Variants in STIM1 observed in about 807,000 individuals in gnomAD.
STIM1 encodes the protein stromal interaction molecule 1.
In STIM1, 25 loss-of-function variants were observed where a neutral mutation model predicts 74.7. That is an observed-to-expected ratio of 0.33 (90% confidence interval 0.24 to 0.47). The LOEUF is 0.47. Ranked by LOEUF, STIM1 falls within the 20% of genes least tolerant of loss-of-function variation. STIM1 has a pLI of 1.00. For missense variants in STIM1, 728 were observed against 920.8 expected, an observed-to-expected ratio of 0.79 and a Z score of 2.71; for synonymous variants, 328 against 348.8, an observed-to-expected ratio of 0.94 and a Z score of 0.66.
chr11:3,966,678 T>A (rs1377241489), intron 1 of STIM1, among the ~76,000 whole-genome samples: 1 of 152,206 alleles, frequency 6.6e-6, no homozygotes, highest in Non-Finnish European at 1.5e-5. Context: ...TCAAAATACC[T>A]TTTTCAAATA....
chr11:3,936,527 G>A (rs2092933297), intron 1 of STIM1, among the ~76,000 whole-genome samples: 1 of 152,190 alleles, frequency 6.6e-6, no homozygotes, highest in Non-Finnish European at 1.5e-5. Context: ...AAAGAATAGG[G>A]TAGACTAGAG....
At chr11:4,052,835 C>T (rs562308140) in intron 3 of STIM1, among the ~76,000 whole-genome samples, 11 of 152,268 alleles carry the variant, frequency 7.2e-5, no homozygotes, top group African/African-American at 2.4e-4. Context: ...TTGCAATATA[C>T]TCATCTGACA....
intron 1 of STIM1, chr11:3,903,617 A>G (rs1049603799): frequency 6.6e-6 from 1 of 152,216 alleles, no homozygotes; most frequent in African/African-American, 2.4e-5. Context: ...CAGGTAGGAA[A>G]TAGCTCTTGT....
chr11:3,964,772 TG>T (rs1262019794), intron 1 of STIM1, among the ~76,000 whole-genome samples: 3 of 151,780 alleles, frequency 2.0e-5, no homozygotes, highest in Admixed American at 6.6e-5. Context: ...TTGCCCAGGC[TG>T]GAGTTCAGTG....
At chr11:3,885,449 A>G (rs770402299) in intron 1 of STIM1, among the ~76,000 whole-genome samples, 1 of 152,130 alleles carries the variant, frequency 6.6e-6, no homozygotes, top group Non-Finnish European at 1.5e-5. Flanking sequence ...GGCCTCCCAA[A>G]GTTTGGGATT....
intron 2 of STIM1, among the ~76,000 whole-genome samples, chr11:3,971,541 A>T (rs1362677755): frequency 1.3e-5 from 2 of 150,630 alleles, no homozygotes; most frequent in Non-Finnish European, 2.9e-5. Context: ...AAACAAAAAA[A>T]ACAAAAAAAC....
intron 3 of STIM1, among the ~76,000 whole-genome samples, chr11:4,033,216 T>C (rs577557875): frequency 3.4e-4 from 52 of 152,258 alleles, no homozygotes; most frequent in South Asian, 6.2e-4. Context: ...CATTGATCTA[T>C]ATCTCTGTTT....
rs573144497 is a variant in STIM1 at position 3,895,017 on chromosome 11, G to A, written c.139+38608G>A. On this transcript the variant is annotated intron_variant, in intron 1 of 12. Transcript: ENST00000526596. ...ACCCGCTTCGGCCTCCCAAAGTGCT[G>A]GGATTACAGGCGTGAGCCACCGCGC... 2.0e-5 allele frequency among the ~76,000 whole-genome samples: 3 copies of A among 151,640 alleles called. No homozygotes were observed. In the East Asian group the frequency reaches 5.8e-4, roughly 29 times the overall value.
At chr11:4,009,090 G>C (rs2093810054) in intron 2 of STIM1, among the ~76,000 whole-genome samples, 1 of 150,810 alleles carries the variant, frequency 6.6e-6, no homozygotes, top group Non-Finnish European at 1.5e-5. Flanking sequence ...AGGAGATCGA[G>C]ACCATTCTGG....
chr11:3,990,650 G>T (rs1206150764), intron 2 of STIM1, among the ~76,000 whole-genome samples: 1 of 152,092 alleles, frequency 6.6e-6, no homozygotes, highest in Non-Finnish European at 1.5e-5. Flanking sequence ...ATCCTAGTTG[G>T]TATAAAGCAA....
intron 11 of STIM1, among the ~76,000 whole-genome samples, chr11:4,085,918 A>G (rs2094490649): frequency 6.6e-6 from 1 of 152,156 alleles, no homozygotes. Context: ...AAGTCTTTTT[A>G]TAAGCATCAT....
intron 2 of STIM1, 55 bp downstream of exon 2, chr11:3,967,737 T>C (rs1407410579): frequency 1.2e-6 from 2 of 1,611,452 alleles, no homozygotes; most frequent in East Asian, 2.2e-5. Flanking sequence ...AATTAGTCTT[T>C]GAAAGCTACT....
At chr11:3,980,734 G>A (rs1253515314) in intron 2 of STIM1, among the ~76,000 whole-genome samples, 2 of 151,860 alleles carry the variant, frequency 1.3e-5, no homozygotes, top group Non-Finnish European at 2.9e-5. Context: ...GTCCACCAAG[G>A]CCTAGATCAG....
chr11:4,057,001 G>A (rs75385062), intron 4 of STIM1, among the ~76,000 whole-genome samples: 7,208 of 152,118 alleles, frequency 0.047, 538 homozygotes, highest in African/African-American at 0.16. Context: ...TCAATATTCA[G>A]TTTAGTTCTA....
chr11:3,925,657 T>C (rs1241340983), intron 1 of STIM1, among the ~76,000 whole-genome samples: 1 of 152,240 alleles, frequency 6.6e-6, no homozygotes, highest in Non-Finnish European at 1.5e-5. Context: ...TTTATCATTA[T>C]TTAATATAAT....
chr11:4,075,984 C>G (rs139509294), intron 7 of STIM1, among the ~76,000 whole-genome samples: 312 of 152,000 alleles, frequency 2.1e-3, no homozygotes, highest in East Asian at 0.015. Flanking sequence ...TTGGGAATCT[C>G]TTCTCATTTT....
At chr11:3,861,724 T>C (rs1419094098) in intron 1 of STIM1, among the ~76,000 whole-genome samples, 4 of 152,204 alleles carry the variant, frequency 2.6e-5, no homozygotes, top group Non-Finnish European at 5.9e-5. Flanking sequence ...TAAGAGAATA[T>C]TGAAAACAAA....
chr11:4,035,777 C>T (rs1012939693), intron 3 of STIM1, among the ~76,000 whole-genome samples: 1 of 150,908 alleles, frequency 6.6e-6, no homozygotes, highest in Non-Finnish European at 1.5e-5. Flanking sequence ...GTTAAATATC[C>T]CATGTGCACT....
intron 3 of STIM1, among the ~76,000 whole-genome samples, chr11:4,035,530 T>C (rs79417179): frequency 6.8e-6 from 1 of 148,098 alleles, no homozygotes; most frequent in African/African-American, 2.5e-5. Flanking sequence ...AATGTTGTGC[T>C]TTTTTTTTTG....
Sources: allele counts gnomAD v4.1 joint callset (sites outside exome capture counted in the v4.1 genomes callset), GRCh38; gene constraint gnomAD v4.1.1; transcripts MANE v1.5; gene names NCBI Gene and HGNC (gene_info 2026-07-23, HGNC 2026-07-21).